Variants in SFRP4 observed in about 807,000 individuals in gnomAD.
SFRP4 encodes the protein secreted frizzled-related protein 4.
Under a neutral mutation model 36.3 loss-of-function variants are expected in SFRP4, and 25 were observed. That is an observed-to-expected ratio of 0.69 (90% confidence interval 0.50 to 0.96). SFRP4 has a LOEUF of 0.96. Among genes scored for constraint, SFRP4 ranks in the 40% least tolerant of loss-of-function variants. SFRP4 has a pLI of 0.00. For synonymous variants in SFRP4, 182 were observed against 168.8 expected (o/e 1.08, Z -0.60); for missense variants, 487 against 459.6 (o/e 1.06, Z -0.54).
At position 37,906,782 on chromosome 7, in the gene SFRP4, A is replaced by G. The variant is rs1167709944; in HGVS notation, c.*697T>C. 1 of 152,242 alleles carries G rather than the reference A, an allele frequency of 6.6e-6. No individual in the cohort carries two copies. The highest frequency in any genetic ancestry group is 1.5e-5 in the Non-Finnish European group (1 of 68,046). 9.4% of individuals were successfully genotyped at this position (152,242 alleles called of 1,614,324 possible). A position where few individuals can be genotyped will look rare whatever the true frequency, so the allele number is the denominator to read the frequency against. On this transcript the variant is annotated 3_prime_UTR_variant, in exon 6 of 6. Transcript: ENST00000436072. ...TCATGAAATCAGGTAACCAAAAAACAGGAATCCAGACATTGTCTGCCTCTC... is the reference window on the plus strand; with the variant it reads ...TCATGAAATCAGGTAACCAAAAAACGGGAATCCAGACATTGTCTGCCTCTC...
At chr7:37,912,066 T>C in intron 4 of SFRP4, 53 bp downstream of exon 4, 1 of 1,356,474 alleles carries the variant, frequency 7.4e-7, no homozygotes, top group Non-Finnish European at 1.0e-6. Context: ...CTAACTGAGA[T>C]TGAGGTCTTC....
intron 4 of SFRP4, 98 bp downstream of exon 4, chr7:37,912,021 T>C (rs1332662575): frequency 2.3e-6 from 2 of 878,614 alleles, no homozygotes; most frequent in Middle Eastern, 3.1e-4. Context: ...AAAAAGACTT[T>C]GGCATATTTT....
At chr7:37,908,647 T>C (rs1785435142) in intron 5 of SFRP4, among the ~76,000 whole-genome samples, 1 of 152,220 alleles carries the variant, frequency 6.6e-6, no homozygotes, top group South Asian at 2.1e-4. Context: ...CAGGTTCTCA[T>C]GGTCTGCTTG....
Position 37,916,604 on chromosome 7 carries a change from C to T in SFRP4, c.-67G>A, listed in dbSNP as rs1252720545. ...GCCCTTCTCTTCCTGCCACCCTCAT[C>T]TTTCGCTGTCCCTTCGCCGAGGAAG... On this transcript the variant is annotated 5_prime_UTR_variant, in exon 1 of 6. Coordinates refer to ENST00000436072, the MANE Select transcript of SFRP4 (RefSeq NM_003014.4). The surrounding 1 kb of genome is among the most constrained non-coding windows in gnomAD (Gnocchi z 4.1). The T allele has an allele frequency of 9.7e-6, 15 of 1,540,440 alleles. No homozygotes were observed. Among genetic ancestry groups the T allele is most frequent in the Non-Finnish European group, 1.3e-5 (15 of 1,145,068 alleles).
intron 5 of SFRP4, among the ~76,000 whole-genome samples, chr7:37,908,668 T>C (rs966441629): frequency 1.3e-5 from 2 of 152,124 alleles, no homozygotes; most frequent in Admixed American, 6.6e-5. Context: ...CCTTCATGTA[T>C]TGATGCTTCT....
In SFRP4 at chr7:37,912,233, G is replaced by C; in HGVS notation, c.677C>G (p.Ser226Cys). Residue 226 changes from serine to cysteine, a missense_variant, in exon 4 of 6, where the codon TCC (serine) becomes TGC (cysteine). Physicochemically the swap from Ser to Cys is moderately radical, Grantham distance 112. Transcript: ENST00000436072. Reference protein sequence around the residue: ...TVVDVKEIFKSSSPIPRTQVP... With the variant: ...TVVDVKEIFKCSSPIPRTQVP... ...TTGAGTTCGAGGGATGGGTGATGAG[G>C]ACTTGAAGATCTCTTTTACATCCAC... 1 of 1,614,010 alleles carries C rather than the reference G, an allele frequency of 6.2e-7. No individual in the cohort carries two copies. The highest frequency in any genetic ancestry group is 1.7e-4 in the Middle Eastern group (1 of 6,060).
At chr7:37,910,010 T>C (rs964047452) in intron 4 of SFRP4, among the ~76,000 whole-genome samples, 1 of 152,004 alleles carries the variant, frequency 6.6e-6, no homozygotes, top group Admixed American at 6.6e-5. Context: ...TATCTATCCA[T>C]TTCTTTATTG....
Position 37,912,204 on chromosome 7 carries a change from G to A in SFRP4, c.706C>T (p.Pro236Ser), listed in dbSNP as rs924433228. The change falls in exon 4 of 6, where the codon CCG becomes TCG. Residue 236 changes from proline to serine, a missense_variant. Coordinates refer to ENST00000436072, the MANE Select transcript of SFRP4 (RefSeq NM_003014.4). ...TGGCAAGAAGAATTTGTAATGAGCG[G>A]GACTTGAGTTCGAGGGATGGGTGAT... ...SSSPIPRTQV[P>S]LITNSSCQCP... 6 of 1,614,102 alleles carry A rather than the reference G, an allele frequency of 3.7e-6. No homozygotes were observed. Among genetic ancestry groups the A allele is most frequent in the Non-Finnish European group, 5.1e-6 (6 of 1,180,008 alleles).
rs767762059 is a variant in SFRP4 at position 37,916,283 on chromosome 7, G to A, written c.255C>T (p.Cys85=). Residue 85 remains cysteine, a synonymous_variant, in exon 1 of 6, where the codon TGC becomes TGT. Transcript: ENST00000436072. This position sits in a 1 kb window ranked among gnomAD's most constrained non-coding sequence, Gnocchi z 4.1. ...TAGGGTCGTGCAGGAACTCCAGGGTGCAAATGGGCGCGTACATGGCACAGA... is the reference window on the plus strand; with the variant it reads ...TAGGGTCGTGCAGGAACTCCAGGGTACAAATGGGCGCGTACATGGCACAGA... The part of the protein sequence containing the change: ...FFLCAMYAPI[C]TLEFLHDPIK... 1 of 1,614,216 alleles carries A rather than the reference G, an allele frequency of 6.2e-7. No individual in the cohort carries two copies. Among genetic ancestry groups the A allele is most frequent in the East Asian group, 2.2e-5 (1 of 44,880 alleles).
Position 37,912,222 on chromosome 7 carries a change from T to C in SFRP4, c.688A>G (p.Ile230Val), listed in dbSNP as rs1785500601. ...VKEIFKSSSP[I>V]PRTQVPLITN... ...ATGAGCGGGACTTGAGTTCGAGGGA[T>C]GGGTGATGAGGACTTGAAGATCTCT... is the stretch of plus-strand genomic sequence containing the variant. Residue 230 changes from isoleucine to valine, a missense_variant, in exon 4 of 6, where the codon ATC becomes GTC. Ile to Val is a conservative substitution (Grantham distance 29). Transcript: ENST00000436072. The C allele has an allele frequency of 5.6e-6, 9 of 1,614,108 alleles. No homozygotes were observed. Among genetic ancestry groups the C allele is most frequent in the Non-Finnish European group, 7.6e-6 (9 of 1,179,956 alleles).
rs766422223 is a variant in SFRP4, at chr7:37,916,359, T to C, written c.179A>G (p.Gln60Arg). The C allele has an allele frequency of 1.9e-6, 3 of 1,614,208 alleles. No homozygotes were observed. Among genetic ancestry groups the C allele is most frequent in the Non-Finnish European group, 2.5e-6 (3 of 1,180,014 alleles). The stretch of plus-strand genomic sequence containing the variant: ...GTTCACGTCCACCAGCTCCTCGTAC[T>C]GCTCGATGGCCAGGATGGCGTTCTC... ...TQENAILAIE[Q>R]YEELVDVNCS... Residue 60 changes from glutamine (Q) to arginine (R), a missense_variant, in exon 1 of 6, where the codon CAG becomes CGG. Gln to Arg is a conservative substitution (Grantham distance 43). Coordinates refer to ENST00000436072, the MANE Select transcript of SFRP4 (RefSeq NM_003014.4). The surrounding 1 kb of genome is among the most constrained non-coding windows in gnomAD (Gnocchi z 4.1).
rs769914026 is a variant in SFRP4 at position 37,907,713 on chromosome 7, T to C, written c.856-49A>G. ...ACTGTCAAATTATCTCACCCCTTTA[T>C]GGTGCTCAGCTAATGTGAAAATTAA... On this transcript the variant is annotated intron_variant, in intron 5 of 5. Transcript: ENST00000436072. 3 of 1,416,340 alleles carry C rather than the reference T, an allele frequency of 2.1e-6. No homozygotes were observed. The South Asian group carries it at 3.9e-5, about 18-fold the overall frequency. 87.7% of individuals were successfully genotyped at this position (1,416,340 alleles called of 1,614,324 possible).
chr7:37,909,623 T>C lies in SFRP4; in HGVS notation c.849A>G (p.Arg283=), dbSNP rs773046051. The change falls in exon 5 of 6, where the codon AGA becomes AGG. Residue 283 remains arginine (R), a synonymous_variant. Transcript: ENST00000436072. The part of the protein sequence containing the change: ...VEKWRDQLSK[R]SIQWEERLQE... ...CATTGTTCATGATACTTACTATGGATCTTTTACTAAGCTGATCTCTCCATT... is the reference window on the plus strand; with the variant it reads ...CATTGTTCATGATACTTACTATGGACCTTTTACTAAGCTGATCTCTCCATT... 2.6e-6 allele frequency: 4 copies of C among 1,561,838 alleles called. No homozygotes were observed. Among genetic ancestry groups the C allele is most frequent in the Non-Finnish European group, 3.5e-6 (4 of 1,149,360 alleles).
rs1391603350 is a variant in SFRP4 at position 37,906,060 on chromosome 7, G to T, written c.*1419C>A. On this transcript the variant is annotated 3_prime_UTR_variant, in exon 6 of 6. Transcript: ENST00000436072. ...AGCTGTTAGAAATGAGATGGTTTCTGCTTTCTTGACAGGAAAACTTATCTC... is the reference window on the plus strand; with the variant it reads ...AGCTGTTAGAAATGAGATGGTTTCTTCTTTCTTGACAGGAAAACTTATCTC... 2.6e-5 allele frequency: 4 copies of T among 152,094 alleles called. No individual in the cohort carries two copies. In the East Asian group the frequency reaches 5.8e-4, roughly 22 times the overall value. 9.4% of individuals were successfully genotyped at this position (152,094 alleles called of 1,614,324 possible).
In SFRP4 at chr7:37,906,235, G is replaced by T. The variant is rs1785393854; in HGVS notation, c.*1244C>A. The T allele has an allele frequency of 1.3e-5, 2 of 152,176 alleles. No individual in the cohort carries two copies. The highest frequency in any genetic ancestry group is 1.3e-4 in the Admixed American group (2 of 15,280). The allele number at this position is 152,176 out of a possible 1,614,324, so 9.4% of individuals were successfully genotyped here. On this transcript the variant is annotated 3_prime_UTR_variant, in exon 6 of 6. Coordinates refer to ENST00000436072, the MANE Select transcript of SFRP4 (RefSeq NM_003014.4). ...ATAGTGATTACCTCTGTGTAGTGGA[G>T]AGTAGGATTAGATAGGATTTTATTT...
rs1401204511 is a variant in SFRP4 at position 37,907,215 on chromosome 7, T to A, written c.*264A>T. On this transcript the variant is annotated 3_prime_UTR_variant, in exon 6 of 6. Coordinates refer to ENST00000436072, the MANE Select transcript of SFRP4 (RefSeq NM_003014.4). ...CTTCTAGAGTATGCACACAGGTTAC[T>A]CTGAATGCAATGCAATAAGCCTTTT... 1 of 350,946 alleles carries A rather than the reference T, an allele frequency of 2.8e-6. No homozygotes were observed. The highest frequency in any genetic ancestry group is 2.1e-5 in the African/African-American group (1 of 48,088). 21.7% of individuals were successfully genotyped at this position (350,946 alleles called of 1,614,324 possible).
In SFRP4 at chr7:37,914,431, T is replaced by G. The variant is rs910374576; in HGVS notation, c.468A>C (p.Thr156=). ...GCCTTTCCTGTACCATCATGTCTGG[T>G]GTGATGTCTATCCACTTAACATCTG... ...LPEDVKWIDI[T]PDMMVQERPL... Residue 156 remains threonine (T), a synonymous_variant, in exon 2 of 6, where the codon ACA becomes ACC. Transcript: ENST00000436072. 3 of 1,613,968 alleles carry G rather than the reference T, an allele frequency of 1.9e-6. No homozygotes were observed. Among genetic ancestry groups the G allele is most frequent in the Middle Eastern group, 1.7e-4 (1 of 6,056 alleles).
intron 4 of SFRP4, 87 bp from the exon 5 acceptor site, chr7:37,909,767 A>G (rs1233563592): frequency 4.1e-6 from 3 of 727,960 alleles, no homozygotes; most frequent in Admixed American, 2.3e-5. Context: ...TTATTCAATA[A>G]TCCTTTACCC....
At position 37,916,405 on chromosome 7, in the gene SFRP4, G is replaced by T; in HGVS notation, c.133C>A (p.His45Asn). The change falls in exon 1 of 6, where the codon CAC becomes AAC. Residue 45 changes from histidine to asparagine, a missense_variant. His to Asn is a moderately conservative substitution (Grantham distance 68, BLOSUM62 1). Transcript: ENST00000436072. This position sits in a 1 kb window ranked among gnomAD's most constrained non-coding sequence, Gnocchi z 4.1. ...TTCTCCTGCGTGCTGTGGTGCAGGTGGTTGGGCATCCGCGTGATGTTCCAG... is the reference window on the plus strand; with the variant it reads ...TTCTCCTGCGTGCTGTGGTGCAGGTTGTTGGGCATCCGCGTGATGTTCCAG... ...MPWNITRMPN[H>N]LHHSTQENAI... is the part of the protein sequence containing the mutation. 9 of 1,614,168 alleles carry T rather than the reference G, an allele frequency of 5.6e-6. No individual in the cohort carries two copies. Among genetic ancestry groups the T allele is most frequent in the Non-Finnish European group, 7.6e-6 (9 of 1,180,012 alleles).
Sources: gnomAD v4.1 joint callset for allele counts (sites outside exome capture counted in the v4.1 genomes callset) on GRCh38, gnomAD v4.1.1 for gene constraint, Gnocchi (gnomAD v3.1) non-coding constraint, MANE v1.5 for transcripts, NCBI Gene and HGNC (gene_info 2026-07-23, HGNC 2026-07-21) for gene names.